The following PRKDC variants were observed in gnomAD, a reference collection of about 807,000 sequenced individuals.
PRKDC encodes the protein DNA-dependent protein kinase catalytic subunit.
In PRKDC, 82 loss-of-function variants were observed where a neutral mutation model predicts 486.9. That is an observed-to-expected ratio of 0.17 (90% CI 0.14 to 0.20). The LOEUF is 0.20. PRKDC is among the 10% of genes least tolerant of loss of function. The pLI, the probability that PRKDC is intolerant of heterozygous loss-of-function variation, is 1.00. For missense variants in PRKDC, 4,504 were observed against 5,038.2 expected, an observed-to-expected ratio of 0.89 and a Z score of 3.21; for synonymous variants, 1,895 against 1,837.0, an observed-to-expected ratio of 1.03 and a Z score of -0.81.
At chr8:47,869,568 G>C (rs192051995) in intron 40 of PRKDC, among the ~76,000 whole-genome samples, 1 of 152,058 alleles carries the variant, frequency 6.6e-6, no homozygotes, top group African/African-American at 2.4e-5. Context: ...GGCCACGCTG[G>C]CTTCGAGTGT....
rs769114917 is a variant in PRKDC at position 47,930,832 on chromosome 8, C to A, written c.1777-45G>T. On this transcript the variant is annotated intron_variant, in intron 16 of 85. Coordinates refer to ENST00000314191, the MANE Select transcript of PRKDC (RefSeq NM_006904.7). ...AAAGAAACATTGTACCATTCAATCA[C>A]GAATCACTCAACAAATAACTTTCCA... 1.1e-5 allele frequency: 16 copies of A among 1,491,666 alleles called. No homozygotes were observed. The South Asian group carries it at 2.0e-4, about 18-fold the overall frequency. 92.4% of individuals were successfully genotyped at this position (1,491,666 alleles called of 1,614,324 possible).
intron 69 of PRKDC, among the ~76,000 whole-genome samples, chr8:47,804,215 T>C (rs940314264): frequency 2.0e-5 from 3 of 152,164 alleles, no homozygotes; most frequent in Non-Finnish European, 4.4e-5. Flanking sequence ...TGATGTTTTC[T>C]AGGTTCATGC....
chr8:47,799,628 T>A (rs1018053266), intron 71 of PRKDC, among the ~76,000 whole-genome samples: 4 of 152,196 alleles, frequency 2.6e-5, no homozygotes, highest in African/African-American at 9.6e-5. Flanking sequence ...GGCCAGATGG[T>A]GCACAAGCAA....
At chr8:47,780,405 G>C (rs1237672182) in intron 80 of PRKDC, among the ~76,000 whole-genome samples, 1 of 152,186 alleles carries the variant, frequency 6.6e-6, no homozygotes, top group East Asian at 1.9e-4. Flanking sequence ...CTAGGAAAAA[G>C]GCAGTACCTG....
chr8:47,792,061 A>T (rs1364936487), intron 74 of PRKDC, among the ~76,000 whole-genome samples: 1 of 152,166 alleles, frequency 6.6e-6, no homozygotes, highest in Admixed American at 6.6e-5. Context: ...GATGGAACTG[A>T]AGGACATTAT....
intron 54 of PRKDC, among the ~76,000 whole-genome samples, chr8:47,845,169 C>G (rs1439554417): frequency 6.6e-6 from 1 of 152,018 alleles, no homozygotes; most frequent in African/African-American, 2.4e-5. Context: ...TGCAGTGAGC[C>G]GAGATCGCTA....
chr8:47,927,761 C>T lies in PRKDC; in HGVS notation c.2259+10G>A. ...GATGAAGAGATGGCTCTGTTCAAGA[C>T]AACGCCTACCTGCAGTGCAGGAACG... On this transcript the variant is annotated intron_variant, in intron 20 of 85. Coordinates refer to ENST00000314191, the MANE Select transcript of PRKDC (RefSeq NM_006904.7). 6.6e-7 allele frequency: 1 copy of T among 1,513,344 alleles called. No individual in the cohort carries two copies. The highest frequency in any genetic ancestry group is 1.4e-5 in the South Asian group (1 of 70,472). 93.7% of individuals were successfully genotyped at this position (1,513,344 alleles called of 1,614,324 possible). A position where few individuals can be genotyped will look rare whatever the true frequency, so the allele number is the denominator to read the frequency against.
chr8:47,783,981 G>A (rs1249430675), intron 77 of PRKDC, 172 bp from the exon 78 acceptor site: 13 of 651,690 alleles, frequency 2.0e-5, no homozygotes, highest in Non-Finnish European at 2.9e-5. Flanking sequence ...TTTCTCGGCC[G>A]GGCACAGTGG....
chr8:47,815,162 C>T (rs548120361), intron 68 of PRKDC, among the ~76,000 whole-genome samples: 5 of 152,022 alleles, frequency 3.3e-5, no homozygotes, highest in African/African-American at 9.6e-5. Context: ...AAGAAAAGTT[C>T]GAGAACTCAT....
chr8:47,799,514 G>T, intron 71 of PRKDC, 124 bp from the exon 72 acceptor site: 1 of 997,858 alleles, frequency 1.0e-6, no homozygotes, highest in Non-Finnish European at 1.4e-6. Context: ...TGAAGCTATG[G>T]AACTGGAAAA....
intron 85 of PRKDC, among the ~76,000 whole-genome samples, chr8:47,775,837 T>G (rs1283451880): frequency 6.6e-6 from 1 of 151,760 alleles, no homozygotes; most frequent in Non-Finnish European, 1.5e-5. Context: ...TTTTTTTTTT[T>G]TCTGAGGCAG....
intron 38 of PRKDC, 41 bp downstream of exon 38, chr8:47,881,375 A>G: frequency 8.7e-7 from 1 of 1,145,010 alleles, no homozygotes; most frequent in Non-Finnish European, 1.3e-6. Context: ...ACGAAAACAG[A>G]AGAGAATGTA....
In PRKDC at chr8:47,794,427, G is replaced by T; in HGVS notation, c.10533C>A (p.Ala3511=). 1 of 1,613,776 alleles carries T rather than the reference G, an allele frequency of 6.2e-7. No individual in the cohort carries two copies. The highest frequency in any genetic ancestry group is 8.5e-7 in the Non-Finnish European group (1 of 1,179,654). The change falls in exon 74 of 86, where the codon GCC becomes GCA. Residue 3511 remains alanine (A), a synonymous_variant. Coordinates refer to ENST00000314191, the MANE Select transcript of PRKDC (RefSeq NM_006904.7). The stretch of plus-strand genomic sequence containing the variant: ...CTTCCACAGAGTGCTGAACAGCAAC[G>T]GCTTGGTCTTTGTCCAGTAAGGCCA... ...HMVALLDKDQ[A]VAVQHSVEEI... is the part of the protein sequence containing the mutation.
At position 47,903,883 on chromosome 8, in the gene PRKDC, T is replaced by C. The variant is rs544009468; in HGVS notation, c.3042+986A>G. Reference sequence around the variant, plus strand: ...ATTTATTATAGGTAGGATTCACTGGTAGACACTGCAGGGAATTAAACTACA... The same window carrying C: ...ATTTATTATAGGTAGGATTCACTGGCAGACACTGCAGGGAATTAAACTACA... On this transcript the variant is annotated intron_variant, in intron 26 of 85. Coordinates refer to ENST00000314191, the MANE Select transcript of PRKDC (RefSeq NM_006904.7). Among the ~76,000 whole-genome samples, 4 of 152,298 alleles carry C rather than the reference T, an allele frequency of 2.6e-5. No individual in the cohort carries two copies. In the South Asian group the frequency reaches 8.3e-4, roughly 32 times the overall value.
At chr8:47,885,560 A>G (rs979405691) in intron 36 of PRKDC, among the ~76,000 whole-genome samples, 5 of 152,124 alleles carry the variant, frequency 3.3e-5, no homozygotes, top group Admixed American at 3.3e-4. Context: ...CTTTAATGAA[A>G]TATTTCAGGA....
At chr8:47,813,107 ATTT>A (rs1192003404) in intron 68 of PRKDC, among the ~76,000 whole-genome samples, 1 of 147,462 alleles carries the variant, frequency 6.8e-6, no homozygotes, top group Non-Finnish European at 1.5e-5. Flanking sequence ...TTATTTATTT[ATTT>A]ATTTATTTAT....
chr8:47,778,419 T>G, intron 83 of PRKDC, 40 bp downstream of exon 83: 1 of 1,587,992 alleles, frequency 6.3e-7, no homozygotes, highest in Non-Finnish European at 8.6e-7. Flanking sequence ...CTATGATGAC[T>G]CTCGCCTTGC....
At chr8:47,903,937 T>C (rs910460419) in intron 26 of PRKDC, among the ~76,000 whole-genome samples, 1 of 152,148 alleles carries the variant, frequency 6.6e-6, no homozygotes, top group Non-Finnish European at 1.5e-5. Flanking sequence ...CCCTAACGAA[T>C]GTTCAGTCAC....
rs1354535829 is a variant in PRKDC at position 47,912,443 on chromosome 8, A to G, written c.2901T>C (p.Pro967=). 2 of 1,606,398 alleles carry G rather than the reference A, an allele frequency of 1.2e-6. No individual in the cohort carries two copies. The highest frequency in any genetic ancestry group is 1.7e-6 in the Non-Finnish European group (2 of 1,176,456). ...CATCACACGCAAGTCGAAGCAGCAC[A>G]GGAAACGTCCGCTTATAGAGCTGGT... The part of the protein sequence containing the change: ...PMYQLYKRTF[P]VLLRLACDVD... The change falls in exon 25 of 86, where the codon CCT becomes CCC. Residue 967 remains proline (P), a synonymous_variant. Transcript: ENST00000314191.
Sources: allele counts gnomAD v4.1 joint callset (sites outside exome capture counted in the v4.1 genomes callset), GRCh38; gene constraint gnomAD v4.1.1; transcripts MANE v1.5; gene names NCBI Gene and HGNC (gene_info 2026-07-23, HGNC 2026-07-21).